CSRNP3: variants seen among roughly 807,000 people sequenced by gnomAD.
The protein encoded by CSRNP3 is cysteine/serine-rich nuclear protein 3.
Under a neutral mutation model 48.0 loss-of-function variants are expected in CSRNP3, and 12 were observed. The ratio of observed to expected loss-of-function variants is 0.25; its 90% CI spans 0.16 to 0.41. The LOEUF is 0.41. Among genes scored for constraint, CSRNP3 ranks in the 10% least tolerant of loss-of-function variants. The probability of loss-of-function intolerance (pLI) is 1.00; values close to 1 mark genes in which losing one functional copy is unlikely to be tolerated. For missense variants in CSRNP3, 580 were observed against 724.4 expected, an observed-to-expected ratio of 0.80 and a Z score of 2.29; for synonymous variants, 263 against 269.7, an observed-to-expected ratio of 0.98 and a Z score of 0.24.
chr2:165,658,050 C>A, intron 5 of CSRNP3, 30 bp downstream of exon 5: 1 of 1,594,028 alleles, frequency 6.3e-7, no homozygotes, highest in Non-Finnish European at 8.6e-7. Context: ...TCTGCAAAGT[C>A]TCATATCCTT....
chr2:165,619,530 C>T (rs1686305744), intron 4 of CSRNP3, among the ~76,000 whole-genome samples: 1 of 151,942 alleles, frequency 6.6e-6, no homozygotes, highest in Non-Finnish European at 1.5e-5. Context: ...AAGAAAGTGG[C>T]AGAAATCTCT....
At chr2:165,594,016 A>G (rs1418289394) in intron 3 of CSRNP3, among the ~76,000 whole-genome samples, 1 of 152,196 alleles carries the variant, frequency 6.6e-6, no homozygotes, top group Non-Finnish European at 1.5e-5. Context: ...AATTGCCTTC[A>G]GGTTATATGA....
chr2:165,537,391 C>T (rs1558928256), intron 3 of CSRNP3, among the ~76,000 whole-genome samples: 1 of 149,106 alleles, frequency 6.7e-6, no homozygotes, highest in South Asian at 2.2e-4. Flanking sequence ...CCAGGAACCT[C>T]ACCTTGAATT....
At chr2:165,567,283 C>G (rs947997355) in intron 3 of CSRNP3, among the ~76,000 whole-genome samples, 2 of 152,094 alleles carry the variant, frequency 1.3e-5, no homozygotes, top group Admixed American at 1.3e-4. Context: ...TTTGTGTTCT[C>G]TGAGAGAAGG....
At chr2:165,621,531 G>A (rs776114440) in intron 4 of CSRNP3, among the ~76,000 whole-genome samples, 4 of 152,156 alleles carry the variant, frequency 2.6e-5, no homozygotes, top group Non-Finnish European at 5.9e-5. Context: ...TAAAAAGTAC[G>A]TGAAGTAGCA....
At chr2:165,673,026 T>A (rs1201615250) in intron 5 of CSRNP3, among the ~76,000 whole-genome samples, 2 of 150,436 alleles carry the variant, frequency 1.3e-5, no homozygotes, top group East Asian at 3.9e-4. Flanking sequence ...ATTGAGATGA[T>A]GAAGACAAAA....
At chr2:165,509,461 G>C (rs1306731731) in intron 2 of CSRNP3, among the ~76,000 whole-genome samples, 1 of 152,146 alleles carries the variant, frequency 6.6e-6, no homozygotes, top group Non-Finnish European at 1.5e-5. Context: ...CTTGGCCTAA[G>C]GTGGTAGCTG....
intron 3 of CSRNP3, among the ~76,000 whole-genome samples, chr2:165,586,008 G>T (rs1685623285): frequency 6.6e-6 from 1 of 152,186 alleles, no homozygotes; most frequent in Admixed American, 6.6e-5. Context: ...CTACGGATCA[G>T]ATGAACCCAG....
chr2:165,521,605 C>T (rs756928368), intron 3 of CSRNP3, among the ~76,000 whole-genome samples: 2 of 152,164 alleles, frequency 1.3e-5, no homozygotes, highest in African/African-American at 2.4e-5. Context: ...TCTTCTCTGA[C>T]CCTGTCTTCA....
intron 1 of CSRNP3, among the ~76,000 whole-genome samples, chr2:165,486,088 G>A (rs1046522309): frequency 4.6e-4 from 69 of 150,768 alleles, no homozygotes; most frequent in East Asian, 4.1e-4. Context: ...GTGGGTGCGC[G>A]CACCGTGCGC....
chr2:165,638,993 C>T (rs573897569), intron 4 of CSRNP3, among the ~76,000 whole-genome samples: 91 of 152,274 alleles, frequency 6.0e-4, no homozygotes, highest in African/African-American at 1.9e-3. Context: ...CCAATCAATA[C>T]ATAATCTTGT....
At chr2:165,474,444 A>G (rs1016642052) in intron 1 of CSRNP3, among the ~76,000 whole-genome samples, 1 of 152,106 alleles carries the variant, frequency 6.6e-6, no homozygotes, top group African/African-American at 2.4e-5. Flanking sequence ...TCTTTAAACA[A>G]TATTTACTAT....
chr2:165,551,345 T>C (rs1030541498), intron 3 of CSRNP3, among the ~76,000 whole-genome samples: 4 of 152,206 alleles, frequency 2.6e-5, no homozygotes, highest in Non-Finnish European at 5.9e-5. Flanking sequence ...ATTTCCATGA[T>C]GTCTTATTTA....
chr2:165,515,610 C>A (rs1574815098), intron 2 of CSRNP3, among the ~76,000 whole-genome samples: 1 of 151,400 alleles, frequency 6.6e-6, no homozygotes, highest in South Asian at 2.1e-4. Flanking sequence ...CTTTTTATGG[C>A]AGCAGAAACT....
chr2:165,642,515 T>A (rs1686739506), intron 4 of CSRNP3, among the ~76,000 whole-genome samples: 2 of 152,168 alleles, frequency 1.3e-5, no homozygotes, highest in Admixed American at 1.3e-4. Context: ...AGAGTAGACG[T>A]GGCATTGATA....
chr2:165,526,123 GTCTT>G (rs1684729603), intron 3 of CSRNP3, among the ~76,000 whole-genome samples: 1 of 152,098 alleles, frequency 6.6e-6, no homozygotes. Context: ...TTATCACACT[GTCTT>G]TATTACAGTA....
At chr2:165,479,482 A>G (rs1014029242) in intron 1 of CSRNP3, among the ~76,000 whole-genome samples, 1 of 152,206 alleles carries the variant, frequency 6.6e-6, no homozygotes, top group Admixed American at 6.5e-5. Flanking sequence ...ATTATTAATA[A>G]TAATGCCTAT....
intron 2 of CSRNP3, among the ~76,000 whole-genome samples, chr2:165,506,190 T>A (rs1684423985): frequency 6.6e-6 from 1 of 152,188 alleles, no homozygotes; most frequent in Non-Finnish European, 1.5e-5. Flanking sequence ...CATATTACTC[T>A]CTTCTTGAAG....
chr2:165,498,064 A>G (rs1684306148), intron 2 of CSRNP3, among the ~76,000 whole-genome samples: 1 of 152,090 alleles, frequency 6.6e-6, no homozygotes, highest in Non-Finnish European at 1.5e-5. Flanking sequence ...TTTGAGTGTG[A>G]AAGAACATTT....
Sources: allele counts gnomAD v4.1 joint callset (sites outside exome capture counted in the v4.1 genomes callset), GRCh38; gene constraint gnomAD v4.1.1; transcripts MANE v1.5; gene names NCBI Gene and HGNC (gene_info 2026-07-23, HGNC 2026-07-21).